The following E2F3 variants were observed in gnomAD, a reference collection of about 807,000 sequenced individuals.
The protein encoded by E2F3 is E2F transcription factor 3.
E2F3 carries 11 observed loss-of-function variants against 44.4 expected under a neutral mutation model. That is an observed-to-expected ratio of 0.25 (90% CI 0.16 to 0.41). The LOEUF is 0.41. Ranked by LOEUF, E2F3 falls within the 10% of genes least tolerant of loss-of-function variation. The pLI, the probability that E2F3 is intolerant of heterozygous loss-of-function variation, is 1.00. For synonymous variants in E2F3, 249 were observed against 253.0 expected (o/e 0.98, Z 0.15); for missense variants, 487 against 583.6 (o/e 0.83, Z 1.70).
intron 5 of E2F3, 98 bp from the exon 6 acceptor site, chr6:20,488,015 C>CAA: frequency 6.5e-7 from 1 of 1,540,876 alleles, no homozygotes; most frequent in Non-Finnish European, 8.9e-7. Flanking sequence ...AAGTGAAAAA[C>CAA]GAACATTGTT....
chr6:20,435,516 G>A (rs1760545369), intron 1 of E2F3, among the ~76,000 whole-genome samples: 1 of 152,188 alleles, frequency 6.6e-6, no homozygotes, highest in Non-Finnish European at 1.5e-5. Context: ...ACTTTGGGAG[G>A]CCAAGGCAGG....
chr6:20,426,271 A>T (rs1329119970), intron 1 of E2F3, among the ~76,000 whole-genome samples: 2 of 152,230 alleles, frequency 1.3e-5, no homozygotes, highest in South Asian at 2.1e-4. Flanking sequence ...TGGTGTAAGT[A>T]TAGGGGAATT....
chr6:20,446,072 G>T (rs1031683436), intron 1 of E2F3, among the ~76,000 whole-genome samples: 1 of 152,142 alleles, frequency 6.6e-6, no homozygotes, highest in Non-Finnish European at 1.5e-5. Context: ...AGGACCCAGA[G>T]AAAACCCACG....
chr6:20,406,609 T>C (rs920635122), intron 1 of E2F3, among the ~76,000 whole-genome samples: 1 of 152,202 alleles, frequency 6.6e-6, no homozygotes, highest in Non-Finnish European at 1.5e-5. Flanking sequence ...GACATTTCAG[T>C]AAGACACGCC....
chr6:20,428,026 T>C (rs1760272036), intron 1 of E2F3, among the ~76,000 whole-genome samples: 1 of 152,144 alleles, frequency 6.6e-6, no homozygotes, highest in Non-Finnish European at 1.5e-5. Flanking sequence ...TCGCAGGGAC[T>C]CTGAAGTACT....
At position 20,492,639 on chromosome 6, in the gene E2F3, G is replaced by T; in HGVS notation, c.*2209G>T. On this transcript the variant is annotated 3_prime_UTR_variant, in exon 7 of 7. Coordinates refer to ENST00000346618, the MANE Select transcript of E2F3 (RefSeq NM_001949.5). ...TCTAAAGACTGAGCTCACCTGGCTAGATTGTTGTGTGTTTTGTTGAATTTT... is the reference window on the plus strand; with the variant it reads ...TCTAAAGACTGAGCTCACCTGGCTATATTGTTGTGTGTTTTGTTGAATTTT... 4.3e-6 allele frequency: 1 copy of T among 232,260 alleles called. No individual in the cohort carries two copies. Among genetic ancestry groups the T allele is most frequent in the Admixed American group, 5.6e-5 (1 of 17,746 alleles). 14.4% of individuals were successfully genotyped at this position (232,260 alleles called of 1,614,324 possible).
chr6:20,424,210 G>GGTATATGT (rs58738322), intron 1 of E2F3, among the ~76,000 whole-genome samples: 2 of 136,920 alleles, frequency 1.5e-5, no homozygotes, highest in African/African-American at 5.5e-5. Flanking sequence ...TCAGTGGAAG[G>GGTATATGT]GTGTGTGTGT....
At chr6:20,438,736 G>T (rs534215814) in intron 1 of E2F3, among the ~76,000 whole-genome samples, 6 of 152,180 alleles carry the variant, frequency 3.9e-5, no homozygotes, top group African/African-American at 1.4e-4. Flanking sequence ...AACCAATCTG[G>T]GCAATTTGGG....
chr6:20,436,452 AAC>A (rs765678025), intron 1 of E2F3, among the ~76,000 whole-genome samples: 5,281 of 145,854 alleles, frequency 0.036, 127 homozygotes, highest in African/African-American at 0.078. Context: ...TGAGCTAGGA[AAC>A]ACACACACAC....
chr6:20,457,086 T>G (rs747779524), intron 1 of E2F3, among the ~76,000 whole-genome samples: 4 of 151,716 alleles, frequency 2.6e-5, no homozygotes, highest in Non-Finnish European at 2.9e-5. Flanking sequence ...CCGCACCCCC[T>G]TTGCCTACAC....
intron 1 of E2F3, among the ~76,000 whole-genome samples, chr6:20,462,801 C>T (rs996283059): frequency 4.1e-5 from 6 of 145,406 alleles, no homozygotes; most frequent in African/African-American, 7.6e-5. Flanking sequence ...ACCTGGGTAT[C>T]GGGCAGGGCA....
At chr6:20,410,625 T>G (rs543624898) in intron 1 of E2F3, among the ~76,000 whole-genome samples, 1 of 152,328 alleles carries the variant, frequency 6.6e-6, no homozygotes, top group South Asian at 2.1e-4. Flanking sequence ...TTTCTTGGTT[T>G]GTTTTTGTTT....
At chr6:20,449,067 T>C (rs145565619) in intron 1 of E2F3, among the ~76,000 whole-genome samples, 1 of 152,350 alleles carries the variant, frequency 6.6e-6, no homozygotes, top group Non-Finnish European at 1.5e-5. Context: ...ACCCTATTGC[T>C]TGACTCGTAT....
intron 1 of E2F3, among the ~76,000 whole-genome samples, chr6:20,416,842 A>C (rs2127588037): frequency 6.6e-6 from 1 of 152,280 alleles, no homozygotes; most frequent in African/African-American, 2.4e-5. Context: ...AGTCTTAGGT[A>C]CACCAAGACA....
chr6:20,473,013 T>C lies in E2F3; in HGVS notation c.394-6833T>C, dbSNP rs529160974. 5.9e-5 allele frequency among the ~76,000 whole-genome samples: 9 copies of C among 152,300 alleles called. No homozygotes were observed. The East Asian group carries it at 1.7e-3, about 29-fold the overall frequency. On this transcript the variant is annotated intron_variant, in intron 1 of 6. Transcript: ENST00000346618. ...TGGGAAAAACTTTTTAAAGATGGGA[T>C]GGTAGATAGTCTAGGTAAATACAAG...
chr6:20,437,843 G>A (rs916354743), intron 1 of E2F3: 16 of 152,200 alleles, frequency 1.1e-4, no homozygotes, highest in African/African-American at 3.6e-4. Flanking sequence ...GAAATGCCCT[G>A]CCCAGGGTCT....
chr6:20,467,031 T>G lies in E2F3; in HGVS notation c.394-12815T>G, dbSNP rs774171555. Among the ~76,000 whole-genome samples, 12 of 152,306 alleles carry G rather than the reference T, an allele frequency of 7.9e-5. No individual in the cohort carries two copies. In the East Asian group the frequency reaches 1.4e-3, roughly 17 times the overall value. The stretch of plus-strand genomic sequence containing the variant: ...TTAACAACCATAAAAAATTTCCACC[T>G]TCCTGTGAGGAGTCCTGTGACTCTT... On this transcript the variant is annotated intron_variant, in intron 1 of 6. Transcript: ENST00000346618.
chr6:20,415,860 G>A (rs765572622), intron 1 of E2F3, among the ~76,000 whole-genome samples: 10 of 152,156 alleles, frequency 6.6e-5, no homozygotes, highest in Non-Finnish European at 1.2e-4. Flanking sequence ...ACTTGCAGAA[G>A]AAAGGATCAA....
At position 20,490,133 on chromosome 6, in the gene E2F3, C is replaced by T; in HGVS notation, c.1136-35C>T. The T allele has an allele frequency of 2.0e-6, 3 of 1,536,308 alleles. No individual in the cohort carries two copies. The highest frequency in any genetic ancestry group is 1.8e-6 in the Non-Finnish European group (2 of 1,141,416). ...AGAAAAATTCATTTGATTTTTCTAA[C>T]TTATTTTTTGTTTCCATCAATGTTT... On this transcript the variant is annotated intron_variant, in intron 6 of 6. Coordinates refer to ENST00000346618, the MANE Select transcript of E2F3 (RefSeq NM_001949.5). The surrounding 1 kb of genome is among the most constrained non-coding windows in gnomAD (Gnocchi z 4.3).
Sources: gnomAD v4.1 joint callset for allele counts (sites outside exome capture counted in the v4.1 genomes callset) on GRCh38, gnomAD v4.1.1 for gene constraint, Gnocchi (gnomAD v3.1) non-coding constraint, MANE v1.5 for transcripts, NCBI Gene and HGNC (gene_info 2026-07-23, HGNC 2026-07-21) for gene names.